Variants in LHFPL4 observed in about 807,000 individuals in gnomAD.
LHFPL4 encodes LHFPL tetraspan subfamily member 4, also known as LHFPL tetraspan subfamily member 4 protein.
In LHFPL4, 6 loss-of-function variants were observed where a neutral mutation model predicts 20.0. That is an observed-to-expected ratio of 0.30 (90% CI 0.16 to 0.59). The LOEUF is 0.59. Among genes scored for constraint, LHFPL4 ranks in the 20% least tolerant of loss-of-function variants. The pLI, the probability that LHFPL4 is intolerant of heterozygous loss-of-function variation, is 0.88. For missense variants in LHFPL4, 215 were observed against 331.2 expected (o/e 0.65, Z 2.72); for synonymous variants, 129 against 143.8 (o/e 0.90, Z 0.74).
chr3:9,520,857 A>C (rs892656974), intron 2 of LHFPL4, among the ~76,000 whole-genome samples: 2 of 152,102 alleles, frequency 1.3e-5, no homozygotes, highest in Non-Finnish European at 2.9e-5. Flanking sequence ...GTCCCATGTG[A>C]ACTTGAGAAG....
At chr3:9,551,890 T>G (rs1479659206) in intron 2 of LHFPL4, among the ~76,000 whole-genome samples, 4 of 152,214 alleles carry the variant, frequency 2.6e-5, no homozygotes, top group South Asian at 2.1e-4. Context: ...GATCTCTTGA[T>G]TCACCATTTC....
At position 9,524,738 on chromosome 3, in the gene LHFPL4, A is replaced by G. The variant is rs548381603; in HGVS notation, c.407-18535T>C. On this transcript the variant is annotated intron_variant, in intron 2 of 3. Coordinates refer to ENST00000287585, the MANE Select transcript of LHFPL4 (RefSeq NM_198560.3). ...GTCTGATAATTCCAACATGCCTGCC[A>G]TAATTGAGCCGGGTTCACATATTTG... Among the ~76,000 whole-genome samples the G allele has an allele frequency of 1.1e-4, 16 of 152,330 alleles. No individual in the cohort carries two copies. In the South Asian group the frequency reaches 3.1e-3, roughly 30 times the overall value.
chr3:9,526,495 G>A (rs142478839), intron 2 of LHFPL4, among the ~76,000 whole-genome samples: 176 of 152,186 alleles, frequency 1.2e-3, no homozygotes, highest in African/African-American at 4.1e-3. Context: ...AATTGTAGTC[G>A]GCTGTGGTCT....
chr3:9,532,513 A>AT (rs1203230232), intron 2 of LHFPL4, among the ~76,000 whole-genome samples: 3 of 151,316 alleles, frequency 2.0e-5, no homozygotes, highest in African/African-American at 4.9e-5. Flanking sequence ...GCTAATTTTT[A>AT]TTTTTTTGTA....
At chr3:9,545,688 C>T (rs761659678) in intron 2 of LHFPL4, among the ~76,000 whole-genome samples, 2 of 151,554 alleles carry the variant, frequency 1.3e-5, no homozygotes, top group Non-Finnish European at 2.9e-5. Flanking sequence ...TGCACTCCAG[C>T]CTGGGCAACA....
intron 2 of LHFPL4, among the ~76,000 whole-genome samples, chr3:9,535,568 T>G (rs755133917): frequency 6.6e-6 from 1 of 152,130 alleles, no homozygotes; most frequent in Non-Finnish European, 1.5e-5. Flanking sequence ...ACAATGATAA[T>G]TTTTAAAAAG....
chr3:9,542,895 A>C (rs761481705), intron 2 of LHFPL4, among the ~76,000 whole-genome samples: 1 of 152,042 alleles, frequency 6.6e-6, no homozygotes. Context: ...ACAGAAAATA[A>C]ATTAGTGGTT....
intron 2 of LHFPL4, among the ~76,000 whole-genome samples, chr3:9,540,292 T>C (rs1430442188): frequency 1.3e-5 from 2 of 152,198 alleles, no homozygotes; most frequent in African/African-American, 2.4e-5. Context: ...AGATGTATTG[T>C]TGAGTGAAAA....
chr3:9,509,300 C>T (rs769489060), intron 2 of LHFPL4, among the ~76,000 whole-genome samples: 4 of 151,336 alleles, frequency 2.6e-5, no homozygotes, highest in African/African-American at 4.9e-5. Flanking sequence ...TCTGGACCCC[C>T]GCCCCTCCCG....
At position 9,504,693 on chromosome 3, in the gene LHFPL4, CG is replaced by C. The variant is rs1326589712; in HGVS notation, c.643+1273del. The stretch of plus-strand genomic sequence containing the variant: ...ACAAAAACTTAGCCGGGCGTGGTGG[CG>C]GGTGCCTGTAGTCCTAGCTACTCAG... On this transcript the variant is annotated intron_variant, in intron 3 of 3. Transcript: ENST00000287585. Among the ~76,000 whole-genome samples the C allele has an allele frequency of 4.6e-5, 7 of 151,936 alleles. No individual in the cohort carries two copies. In the South Asian group the frequency reaches 1.3e-3, roughly 27 times the overall value.
intron 2 of LHFPL4, among the ~76,000 whole-genome samples, chr3:9,541,662 A>G (rs538000778): frequency 2.2e-3 from 336 of 151,430 alleles, no homozygotes; most frequent in African/African-American, 7.8e-3. Context: ...ATCCCATCTA[A>G]TAGGGAGGCC....
chr3:9,519,534 CTT>C (rs1157291134), intron 2 of LHFPL4, among the ~76,000 whole-genome samples: 1 of 152,142 alleles, frequency 6.6e-6, no homozygotes, highest in Non-Finnish European at 1.5e-5. Flanking sequence ...GATGCTCTAA[CTT>C]TTGTTTCTCT....
At chr3:9,536,301 T>G (rs761470261) in intron 2 of LHFPL4, among the ~76,000 whole-genome samples, 1 of 152,236 alleles carries the variant, frequency 6.6e-6, no homozygotes, top group Non-Finnish European at 1.5e-5. Flanking sequence ...CAAGGGAGAC[T>G]GAGCTTCTCC....
chr3:9,529,085 G>C (rs1415741883), intron 2 of LHFPL4, among the ~76,000 whole-genome samples: 1 of 151,486 alleles, frequency 6.6e-6, no homozygotes, highest in African/African-American at 2.4e-5. Flanking sequence ...CTGGAGTGCA[G>C]TGGCACTATC....
intron 2 of LHFPL4, among the ~76,000 whole-genome samples, chr3:9,552,018 G>A (rs189461929): frequency 3.3e-5 from 5 of 151,906 alleles, no homozygotes; most frequent in African/African-American, 9.7e-5. Flanking sequence ...AATGCTAACC[G>A]AGCAATAAAT....
chr3:9,529,132 G>A (rs192344273), intron 2 of LHFPL4, among the ~76,000 whole-genome samples: 90 of 151,522 alleles, frequency 5.9e-4, no homozygotes, highest in Admixed American at 1.1e-3. Context: ...AGGTTCAAGC[G>A]ATTCTTCTGC....
At chr3:9,533,568 G>A (rs866185456) in intron 2 of LHFPL4, among the ~76,000 whole-genome samples, 3 of 152,324 alleles carry the variant, frequency 2.0e-5, no homozygotes, top group South Asian at 2.1e-4. Flanking sequence ...GGATCACGAG[G>A]TCAGGAGATC....
chr3:9,517,795 T>A (rs967537850), intron 2 of LHFPL4, among the ~76,000 whole-genome samples: 1 of 124,050 alleles, frequency 8.1e-6, no homozygotes, highest in African/African-American at 2.9e-5. Context: ...GAGGTTGGGT[T>A]TTTTTGTTTT....
rs75887447 is a variant in LHFPL4, at chr3:9,500,940, AACACAC to A, written c.*1265_*1270del. 2 of 151,074 alleles carry A rather than the reference AACACAC, an allele frequency of 1.3e-5. No homozygotes were observed. The highest frequency in any genetic ancestry group is 2.4e-5 in the African/African-American group (1 of 41,190). 9.4% of individuals were successfully genotyped at this position (151,074 alleles called of 1,614,324 possible). On this transcript the variant is annotated 3_prime_UTR_variant, in exon 4 of 4. Coordinates refer to ENST00000287585, the MANE Select transcript of LHFPL4 (RefSeq NM_198560.3). The stretch of plus-strand genomic sequence containing the variant: ...GGGAGAAACTTCTCACCTGTCCCCC[AACACAC>A]ACACACACACACACGCTCACACGCG...
Sources: gnomAD v4.1 joint callset for allele counts (sites outside exome capture counted in the v4.1 genomes callset) on GRCh38, gnomAD v4.1.1 for gene constraint, MANE v1.5 for transcripts, NCBI Gene and HGNC (gene_info 2026-07-23, HGNC 2026-07-21) for gene names.